CSMD3: variants seen among roughly 807,000 people sequenced by gnomAD.
CSMD3 encodes CUB and sushi domain-containing protein 3.
In CSMD3, 177 loss-of-function variants were observed where a neutral mutation model predicts 435.2. The observed-to-expected ratio is 0.41, with a 90% CI of 0.36 to 0.46. The LOEUF is 0.46. Ranked by LOEUF, CSMD3 falls within the 20% of genes least tolerant of loss-of-function variation. The probability of loss-of-function intolerance (pLI) is 0.34; values close to 1 mark genes in which losing one functional copy is unlikely to be tolerated. For missense variants in CSMD3, 4,265 were observed against 4,504.6 expected (o/e 0.95, Z 1.52); for synonymous variants, 1,656 against 1,520.5 (o/e 1.09, Z -2.07).
chr8:112,809,633 C>T (rs1227300957), intron 12 of CSMD3, among the ~76,000 whole-genome samples: 1 of 151,926 alleles, frequency 6.6e-6, no homozygotes, highest in Non-Finnish European at 1.5e-5. Flanking sequence ...AATAATAGTT[C>T]CCACAATCAC....
In CSMD3 at chr8:112,599,762, C is replaced by T. The variant is rs991496745; in HGVS notation, c.3716-12527G>A. ...GAAATCATCATTCTCAGTAAACTAT[C>T]GCAAGAAGAAAAAACCAAACACCGT... On this transcript the variant is annotated intron_variant, in intron 22 of 70. Coordinates refer to ENST00000297405, the MANE Select transcript of CSMD3 (RefSeq NM_198123.2). 3.8e-3 allele frequency among the ~76,000 whole-genome samples: 564 copies of T among 150,034 alleles called. 1 individual carries two copies. The highest frequency in any genetic ancestry group is 6.4e-3 in the Non-Finnish European group (433 of 67,696).
chr8:112,290,082 G>A (rs1044118152), intron 56 of CSMD3, among the ~76,000 whole-genome samples: 4 of 151,980 alleles, frequency 2.6e-5, no homozygotes. Flanking sequence ...AGTCAGTAAT[G>A]AATAAATTAT....
intron 22 of CSMD3, among the ~76,000 whole-genome samples, chr8:112,609,135 G>T (rs941689343): frequency 2.2e-5 from 3 of 138,174 alleles, no homozygotes; most frequent in Non-Finnish European, 4.6e-5. Flanking sequence ...CTGGGAGGCG[G>T]AGGTTGCAGT....
At chr8:112,465,597 G>T (rs1216990406) in intron 32 of CSMD3, among the ~76,000 whole-genome samples, 1 of 151,948 alleles carries the variant, frequency 6.6e-6, no homozygotes, top group African/African-American at 2.4e-5. Context: ...AAAATGATAG[G>T]CTTAAAAAAT....
chr8:112,545,509 A>T (rs1297307800), intron 27 of CSMD3, among the ~76,000 whole-genome samples: 2 of 141,140 alleles, frequency 1.4e-5, no homozygotes, highest in East Asian at 4.1e-4. Context: ...AAAAATAATA[A>T]TAATAATAAT....
intron 10 of CSMD3, among the ~76,000 whole-genome samples, chr8:112,904,814 A>C (rs1237515103): frequency 3.3e-5 from 5 of 151,432 alleles, no homozygotes; most frequent in Admixed American, 3.3e-4. Context: ...TAAAGTATCT[A>C]CATTAAAGAT....
chr8:112,508,500 T>A, intron 28 of CSMD3, among the ~76,000 whole-genome samples: 1 of 152,260 alleles, frequency 6.6e-6, no homozygotes, highest in South Asian at 2.1e-4. Flanking sequence ...GCTCCTGAAC[T>A]TTGTCCCACT....
chr8:112,518,024 C>G (rs976674406), intron 27 of CSMD3, among the ~76,000 whole-genome samples: 1 of 152,024 alleles, frequency 6.6e-6, no homozygotes, highest in Admixed American at 6.6e-5. Flanking sequence ...AAATGTCATT[C>G]AACAGGTAAA....
intron 13 of CSMD3, among the ~76,000 whole-genome samples, chr8:112,760,123 T>C (rs2077801766): frequency 2.0e-5 from 3 of 152,310 alleles, no homozygotes; most frequent in Admixed American, 6.5e-5. Flanking sequence ...TATTCTATAA[T>C]CAATTTTGCT....
chr8:113,415,273 A>T, intron 1 of CSMD3, among the ~76,000 whole-genome samples: 1 of 152,196 alleles, frequency 6.6e-6, no homozygotes, highest in East Asian at 1.9e-4. Flanking sequence ...GGAACTCAAA[A>T]GAAACATTGT....
chr8:113,087,439 G>A (rs576007173), intron 5 of CSMD3, among the ~76,000 whole-genome samples: 136 of 152,282 alleles, frequency 8.9e-4, no homozygotes, highest in African/African-American at 3.2e-3. Flanking sequence ...GAGGCATCAT[G>A]CTACCTGACT....
intron 38 of CSMD3, among the ~76,000 whole-genome samples, chr8:112,355,560 G>A (rs186849931): frequency 9.3e-4 from 141 of 152,292 alleles, no homozygotes; most frequent in Non-Finnish European, 1.6e-3. Flanking sequence ...AAGGCCGTGC[G>A]TGGTGGCTCA....
At chr8:112,234,893 T>TA (rs1813426991) in intron 67 of CSMD3, among the ~76,000 whole-genome samples, 1 of 152,198 alleles carries the variant, frequency 6.6e-6, no homozygotes, top group Admixed American at 6.5e-5. Flanking sequence ...AACAGTATTC[T>TA]AGGTGCTGCT....
chr8:112,450,233 T>C (rs1398393585), intron 32 of CSMD3, among the ~76,000 whole-genome samples: 2 of 152,154 alleles, frequency 1.3e-5, no homozygotes, highest in Non-Finnish European at 2.9e-5. Context: ...GGAAGTCAGA[T>C]TTTCAAAGTA....
intron 2 of CSMD3, among the ~76,000 whole-genome samples, chr8:113,290,490 C>A (rs974394791): frequency 6.6e-6 from 1 of 151,514 alleles, no homozygotes; most frequent in Admixed American, 6.6e-5. Flanking sequence ...TTCCATTGTG[C>A]CCAATAACAC....
intron 5 of CSMD3, among the ~76,000 whole-genome samples, chr8:113,075,816 T>A (rs960348751): frequency 6.6e-6 from 1 of 151,836 alleles, no homozygotes; most frequent in Non-Finnish European, 1.5e-5. Context: ...TTGTAAAGTA[T>A]GCTACTGTTA....
chr8:112,996,111 G>A (rs2085642635), intron 6 of CSMD3, among the ~76,000 whole-genome samples: 1 of 151,366 alleles, frequency 6.6e-6, no homozygotes, highest in African/African-American at 2.4e-5. Flanking sequence ...TTTATGTGGT[G>A]AGAACACTTA....
At chr8:113,174,192 T>C (rs2092313696) in intron 3 of CSMD3, among the ~76,000 whole-genome samples, 1 of 152,178 alleles carries the variant, frequency 6.6e-6, no homozygotes, top group Admixed American at 6.6e-5. Flanking sequence ...TAATATTTAC[T>C]CAGATAAGTA....
At chr8:112,671,062 G>A (rs2075644566) in intron 16 of CSMD3, among the ~76,000 whole-genome samples, 1 of 152,112 alleles carries the variant, frequency 6.6e-6, no homozygotes, top group Non-Finnish European at 1.5e-5. Context: ...CTAAGTGTGT[G>A]AACTGGGATA....
Sources: gnomAD v4.1 joint callset for allele counts (sites outside exome capture counted in the v4.1 genomes callset) on GRCh38, gnomAD v4.1.1 for gene constraint, MANE v1.5 for transcripts, NCBI Gene and HGNC (gene_info 2026-07-23, HGNC 2026-07-21) for gene names.